The following PHACTR4 variants were observed in gnomAD, a reference collection of about 807,000 sequenced individuals.
PHACTR4 encodes the protein phosphatase and actin regulator 4, also known as protein phosphatase 1, regulatory subunit 124.
In PHACTR4, 51 loss-of-function variants were observed where a neutral mutation model predicts 72.7. That is an observed-to-expected ratio of 0.70 (90% CI 0.56 to 0.89). PHACTR4 has a LOEUF of 0.89. Ranked by LOEUF, PHACTR4 falls within the 40% of genes least tolerant of loss-of-function variation. The pLI is 0.00. For synonymous variants in PHACTR4, 255 were observed against 302.5 expected (o/e 0.84, Z 1.63); for missense variants, 731 against 861.8 (o/e 0.85, Z 1.90).
chr1:28,375,343 CAAAAG>C (rs1177723800), intron 1 of PHACTR4, among the ~76,000 whole-genome samples: 26 of 42,394 alleles, frequency 6.1e-4, no homozygotes, highest in African/African-American at 2.1e-3. Context: ...AAAAAAAAAA[CAAAAG>C]AAAAGAAAAC....
At chr1:28,495,622 T>A (rs10158271) in intron 13 of PHACTR4, among the ~76,000 whole-genome samples, 9 of 145,990 alleles carry the variant, frequency 6.2e-5, no homozygotes, top group African/African-American at 1.3e-4. Context: ...TATTTTTTTT[T>A]TTTTTATTTT....
At chr1:28,387,732 A>AT (rs529132196) in intron 1 of PHACTR4, among the ~76,000 whole-genome samples, 14,054 of 147,222 alleles carry the variant, frequency 0.095, 1,443 homozygotes, top group African/African-American at 0.26. Context: ...ACAAAAAACA[A>AT]TTTTTTTTTT....
chr1:28,404,242 A>C (rs1280985668), intron 1 of PHACTR4, among the ~76,000 whole-genome samples: 1 of 145,244 alleles, frequency 6.9e-6, no homozygotes. Context: ...GAGCCACTGC[A>C]CCTGGCCTGT....
intron 8 of PHACTR4, among the ~76,000 whole-genome samples, chr1:28,476,737 TAG>T (rs1340458383): frequency 6.6e-6 from 1 of 150,720 alleles, no homozygotes; most frequent in Non-Finnish European, 1.5e-5. Context: ...TTTGTTTTTG[TAG>T]AGACAGGGTC....
Position 28,466,362 on chromosome 1 carries a change from C to T in PHACTR4, c.437-20C>T, listed in dbSNP as rs780112186. ...TGTTACTCTCTCTTCCCTTTTTATA[C>T]CATACATGTTATTACACAGGCTCAA... On this transcript the variant is annotated intron_variant, in intron 5 of 13. Transcript: ENST00000373839. 2.5e-6 allele frequency: 4 copies of T among 1,593,226 alleles called. No homozygotes were observed. The highest frequency in any genetic ancestry group is 3.4e-6 in the Non-Finnish European group (4 of 1,165,296).
chr1:28,391,391 T>A (rs1042987559), intron 1 of PHACTR4, among the ~76,000 whole-genome samples: 50 of 150,828 alleles, frequency 3.3e-4, no homozygotes, highest in Admixed American at 3.3e-4. Flanking sequence ...AGAGGGAGAT[T>A]CTGTCTCAAA....
chr1:28,374,969 C>T (rs865913627), intron 1 of PHACTR4, among the ~76,000 whole-genome samples: 33 of 152,114 alleles, frequency 2.2e-4, no homozygotes, highest in Admixed American at 2.1e-3. Flanking sequence ...ATACATTATT[C>T]GCTTCAAATT....
intron 2 of PHACTR4, among the ~76,000 whole-genome samples, chr1:28,408,239 C>T (rs1654503352): frequency 6.6e-6 from 1 of 152,200 alleles, no homozygotes; most frequent in Non-Finnish European, 1.5e-5. Context: ...CTTTGTAGTG[C>T]TTCATTAGTA....
intron 1 of PHACTR4, among the ~76,000 whole-genome samples, chr1:28,373,464 AT>A (rs1053806132): frequency 3.0e-4 from 46 of 151,838 alleles, no homozygotes; most frequent in Admixed American, 2.1e-3. Flanking sequence ...CTAATTTTGT[AT>A]TTTTAGTAGA....
chr1:28,408,144 ACT>A (rs1309817262), intron 2 of PHACTR4, among the ~76,000 whole-genome samples: 1 of 152,028 alleles, frequency 6.6e-6, no homozygotes, highest in Non-Finnish European at 1.5e-5. Flanking sequence ...AAGTAAATAA[ACT>A]CTGTCTTAAT....
At chr1:28,487,241 C>T (rs1206977890) in intron 9 of PHACTR4, among the ~76,000 whole-genome samples, 1 of 151,800 alleles carries the variant, frequency 6.6e-6, no homozygotes, top group Non-Finnish European at 1.5e-5. Context: ...TGGCACGCGC[C>T]TATAGTCCCA....
intron 9 of PHACTR4, 141 bp downstream of exon 9, chr1:28,480,745 G>A (rs1266852213): frequency 2.7e-6 from 3 of 1,124,438 alleles, no homozygotes; most frequent in Non-Finnish European, 3.8e-6. Context: ...GGCTGGAGTA[G>A]TGGCGCGATC....
chr1:28,453,655 C>CA, intron 2 of PHACTR4: 2 of 1,298,534 alleles, frequency 1.5e-6, no homozygotes, highest in Non-Finnish European at 2.2e-6. Context: ...TTCTAACATC[C>CA]AAAAATCAGA....
intron 2 of PHACTR4, among the ~76,000 whole-genome samples, chr1:28,418,162 T>C (rs1021612966): frequency 3.3e-5 from 5 of 151,500 alleles, no homozygotes; most frequent in Admixed American, 3.3e-4. Context: ...CTGACAAAGA[T>C]AGTAGAAAAA....
At chr1:28,434,896 A>C (rs1557811685) in intron 2 of PHACTR4, among the ~76,000 whole-genome samples, 2 of 152,174 alleles carry the variant, frequency 1.3e-5, no homozygotes, top group Non-Finnish European at 2.9e-5. Flanking sequence ...TAGCAGCTAT[A>C]CCTAGATCCA....
chr1:28,432,983 C>A, intron 2 of PHACTR4: 1 of 676,216 alleles, frequency 1.5e-6, no homozygotes, highest in Non-Finnish European at 1.8e-6. Flanking sequence ...TGGACTCAAG[C>A]AACCCCCGCT....
rs747353305 is a variant in PHACTR4 at position 28,496,567 on chromosome 1, G to A, written c.*18G>A. On this transcript the variant is annotated 3_prime_UTR_variant, in exon 14 of 14. Transcript: ENST00000373839. ...GTCCATGATGCCAAAGGTTGAGAGA[G>A]GAATCAACATGGCTGCTTTGCTGCT... 4 of 1,613,658 alleles carry A rather than the reference G, an allele frequency of 2.5e-6. No homozygotes were observed. In the South Asian group the frequency reaches 3.3e-5, roughly 13 times the overall value.
intron 13 of PHACTR4, among the ~76,000 whole-genome samples, chr1:28,493,560 A>G (rs561266134): frequency 1.8e-4 from 27 of 151,850 alleles, no homozygotes; most frequent in African/African-American, 6.5e-4. Context: ...AAAAATAAGT[A>G]AATGTGTATT....
chr1:28,466,802 T>A (rs1659204534), intron 6 of PHACTR4, 34 bp downstream of exon 6: 1 of 1,576,054 alleles, frequency 6.3e-7, no homozygotes, highest in Non-Finnish European at 8.6e-7. Flanking sequence ...GTGTTTTGGG[T>A]TTGGTTTGAT....
Sources: gnomAD v4.1 joint callset for allele counts (sites outside exome capture counted in the v4.1 genomes callset) on GRCh38, gnomAD v4.1.1 for gene constraint, MANE v1.5 for transcripts, NCBI Gene and HGNC (gene_info 2026-07-23, HGNC 2026-07-21) for gene names.